IQCN: variants seen among roughly 807,000 people sequenced by gnomAD.
The protein encoded by IQCN is IQ motif containing N.
IQCN carries 46 observed loss-of-function variants against 64.4 expected under a neutral mutation model. The ratio of observed to expected loss-of-function variants is 0.71; its 90% CI spans 0.56 to 0.91. The LOEUF (loss-of-function observed/expected upper bound fraction) is 0.91, where lower values mean the gene tolerates loss of function less well. IQCN is among the 40% of genes least tolerant of loss of function. The pLI is 0.00. For synonymous variants in IQCN, 733 were observed against 775.6 expected (o/e 0.95, Z 0.91); for missense variants, 1,753 against 1,857.4 (o/e 0.94, Z 1.03).
Position 18,264,332 on chromosome 19 carries a change from A to C in IQCN, c.3177+31T>G, listed in dbSNP as rs1009943633. 2.6e-5 allele frequency: 37 copies of C among 1,441,828 alleles called. No homozygotes were observed. Among genetic ancestry groups the C allele is most frequent in the Admixed American group, 2.7e-5 (1 of 36,450 alleles). 89.3% of individuals were successfully genotyped at this position (1,441,828 alleles called of 1,614,324 possible). ...CCGGCAGGTTGGCCCATGGTGAAAC[A>C]ACCCCAGATCCCAACCTGGGAATCC... On this transcript the variant is annotated intron_variant, in intron 3 of 3. Coordinates refer to ENST00000392413, the MANE Select transcript of IQCN (RefSeq NM_001145304.2). The surrounding 1 kb of genome is among the most constrained non-coding windows in gnomAD (Gnocchi z 4.3).
chr19:18,263,177 G>C (rs923906786), intron 3 of IQCN, among the ~76,000 whole-genome samples: 10 of 152,178 alleles, frequency 6.6e-5, no homozygotes, highest in African/African-American at 1.9e-4. Flanking sequence ...TCACCGCAAG[G>C]TCCCCTTCTA....
In IQCN at chr19:18,265,361, C is replaced by A; in HGVS notation, c.2179G>T (p.Val727Leu). 6.2e-7 allele frequency: 1 copy of A among 1,614,134 alleles called. No individual in the cohort carries two copies. Among genetic ancestry groups the A allele is most frequent in the Non-Finnish European group, 8.5e-7 (1 of 1,180,020 alleles). The change falls in exon 3 of 4, where the codon GTG becomes TTG. Residue 727 changes from valine to leucine, a missense_variant. Transcript: ENST00000392413. This position sits in a 1 kb window ranked among gnomAD's most constrained non-coding sequence, Gnocchi z 4.7. ...HSQTHLATGA[V>L]KVQSQAPLAT... ...AGAGGCGCTTGGGACTGGACCTTCA[C>A]GGCACCTGTGGCCAGATGTGTCTGG...
chr19:18,266,922 C>A lies in IQCN; in HGVS notation c.618G>T (p.Gln206His), dbSNP rs1404720118. 1 of 1,608,058 alleles carries A rather than the reference C, an allele frequency of 6.2e-7. No individual in the cohort carries two copies. Among genetic ancestry groups the A allele is most frequent in the Non-Finnish European group, 8.5e-7 (1 of 1,176,026 alleles). ...CTGGGGGCTGCAGGAGGGGGGACGA[C>A]TGGGGTCTGCAGAGGACCAGATTGT... ...SCDNLVLCRP[Q>H]SSPLLQPPAA... Residue 206 changes from glutamine (Q) to histidine (H), a missense_variant, in exon 3 of 4, where the codon CAG (glutamine) becomes CAT (histidine). Coordinates refer to ENST00000392413, the MANE Select transcript of IQCN (RefSeq NM_001145304.2). This position sits in a 1 kb window ranked among gnomAD's most constrained non-coding sequence, Gnocchi z 4.3.
intron 1 of IQCN, among the ~76,000 whole-genome samples, chr19:18,270,436 G>C (rs1416099802): frequency 6.6e-6 from 1 of 151,698 alleles, no homozygotes; most frequent in East Asian, 1.9e-4. Flanking sequence ...AAGGTGGGTG[G>C]GTCACTTGAG....
rs762698811 is a variant in IQCN, at chr19:18,267,006, C to G, written c.534G>C (p.Glu178Asp). Residue 178 changes from glutamate to aspartate, a missense_variant, in exon 3 of 4, where the codon GAG (glutamate) becomes GAC (aspartate). Physicochemically the swap from Glu to Asp is conservative, Grantham distance 45. Coordinates refer to ENST00000392413, the MANE Select transcript of IQCN (RefSeq NM_001145304.2). Reference sequence around the variant, plus strand: ...TGATGGGCGGGGACAGAAGGCGGTTCTCTTCCGGATGCTGGAAGCGCACCT... The same window carrying G: ...TGATGGGCGGGGACAGAAGGCGGTTGTCTTCCGGATGCTGGAAGCGCACCT... ...PQQVRFQHPE[E>D]NRLLSPPIMV... The G allele has an allele frequency of 9.3e-6, 15 of 1,614,252 alleles. No individual in the cohort carries two copies. The highest frequency in any genetic ancestry group is 1.0e-5 in the Non-Finnish European group (12 of 1,180,030).
At chr19:18,272,078 C>T (rs555095211) in intron 1 of IQCN, among the ~76,000 whole-genome samples, 110 of 151,374 alleles carry the variant, frequency 7.3e-4, no homozygotes, top group African/African-American at 2.4e-3. Flanking sequence ...TCGCCTGCCT[C>T]GGCCTCCCAA....
At position 18,265,789 on chromosome 19, in the gene IQCN, G is replaced by A; in HGVS notation, c.1751C>T (p.Ala584Val). ...YLAEGKIRCL[A>V]QPHPGTGVPR... Reference sequence around the variant, plus strand: ...GACCCCAGTTCCCGGATGTGGTTGAGCCAGGCACCTGATCTTCCCCTCAGC... The same window carrying A: ...GACCCCAGTTCCCGGATGTGGTTGAACCAGGCACCTGATCTTCCCCTCAGC... Residue 584 changes from alanine (A) to valine (V), a missense_variant, in exon 3 of 4, where the codon GCT (alanine) becomes GTT (valine). Physicochemically the swap from Ala to Val is moderately conservative, Grantham distance 64. Transcript: ENST00000392413. This position sits in a 1 kb window ranked among gnomAD's most constrained non-coding sequence, Gnocchi z 4.7. 6.2e-7 allele frequency: 1 copy of A among 1,614,180 alleles called. No homozygotes were observed. The highest frequency in any genetic ancestry group is 8.5e-7 in the Non-Finnish European group (1 of 1,180,042).
Position 18,264,789 on chromosome 19 carries a change from C to T in IQCN, c.2751G>A (p.Lys917=). 1 of 1,552,202 alleles carries T rather than the reference C, an allele frequency of 6.4e-7. No individual in the cohort carries two copies. The highest frequency in any genetic ancestry group is 8.7e-7 in the Non-Finnish European group (1 of 1,147,410). Residue 917 remains lysine (K), a synonymous_variant, in exon 3 of 4, where the codon AAG becomes AAA. Transcript: ENST00000392413. This position sits in a 1 kb window ranked among gnomAD's most constrained non-coding sequence, Gnocchi z 4.3. ...TGGTGACAGTGGCACCCAGGACCTC[C>T]TTGGACAGGGCCTGGTTCAGAGCTG... The part of the protein sequence containing the change: ...VWAALNQALS[K]EVLGATVTKA...
chr19:18,259,429 C>T (rs1270079170), intron 3 of IQCN: 2 of 152,292 alleles, frequency 1.3e-5, no homozygotes, highest in African/African-American at 4.8e-5. Flanking sequence ...GAGGGTCTTA[C>T]AGATAGACTT....
At chr19:18,263,460 C>T (rs1969475344) in intron 3 of IQCN, among the ~76,000 whole-genome samples, 1 of 152,192 alleles carries the variant, frequency 6.6e-6, no homozygotes, top group Non-Finnish European at 1.5e-5. Flanking sequence ...TGTTCGATTC[C>T]TCCCCTGTCC....
intron 3 of IQCN, among the ~76,000 whole-genome samples, chr19:18,263,027 T>C (rs1201430692): frequency 2.6e-5 from 4 of 152,088 alleles, no homozygotes; most frequent in East Asian, 3.8e-4. Context: ...CTGAGCTGTG[T>C]TGGAAACTGG....
intron 2 of IQCN, among the ~76,000 whole-genome samples, chr19:18,268,812 A>G (rs1410690150): frequency 6.6e-6 from 1 of 151,832 alleles, no homozygotes; most frequent in Non-Finnish European, 1.5e-5. Context: ...AAATACAAAA[A>G]TTAGCTCGGC....
chr19:18,259,868 AG>A, intron 3 of IQCN: 1 of 152,408 alleles, frequency 6.6e-6, no homozygotes, highest in South Asian at 2.1e-4. Flanking sequence ...GATGTGTCAA[AG>A]GGCCACCTGC....
In IQCN at chr19:18,263,405, T is replaced by C. The variant is rs144087084; in HGVS notation, c.3177+958A>G. Reference sequence around the variant, plus strand: ...CACCGAGGATGGATGGCTGGTGGTCTGTTGCTAGCTTCTGGGGGCAGAGCA... The same window carrying C: ...CACCGAGGATGGATGGCTGGTGGTCCGTTGCTAGCTTCTGGGGGCAGAGCA... On this transcript the variant is annotated intron_variant, in intron 3 of 3. Transcript: ENST00000392413. 3.9e-4 allele frequency among the ~76,000 whole-genome samples: 60 copies of C among 152,344 alleles called. No homozygotes were observed. In the East Asian group the frequency reaches 9.8e-3, roughly 25 times the overall value.
chr19:18,271,171 CAAA>C (rs1278569737), intron 1 of IQCN, among the ~76,000 whole-genome samples: 1 of 82,438 alleles, frequency 1.2e-5, no homozygotes. Context: ...GACTCTGTCT[CAAA>C]AAAAAAAAAA....
intron 3 of IQCN, chr19:18,259,245 C>G (rs1388592812): frequency 3.8e-3 from 4 of 1,058 alleles, no homozygotes; most frequent in African/African-American, 0.025. Context: ...AAAGACCTCT[C>G]CCCAGCCAGG....
chr19:18,272,503 G>C (rs1969754283), intron 1 of IQCN, among the ~76,000 whole-genome samples: 2 of 152,168 alleles, frequency 1.3e-5, no homozygotes, highest in Non-Finnish European at 2.9e-5. Context: ...CAAAGTCACA[G>C]GACCACGTTC....
At chr19:18,268,522 T>C (rs554662125) in intron 2 of IQCN, among the ~76,000 whole-genome samples, 71 of 152,120 alleles carry the variant, frequency 4.7e-4, no homozygotes, top group Middle Eastern at 3.4e-3. Flanking sequence ...ATAAAGCTGA[T>C]GAATAAAGTG....
chr19:18,259,986 G>A (rs1969390623), intron 3 of IQCN: 1 of 152,446 alleles, frequency 6.6e-6, no homozygotes, highest in African/African-American at 2.4e-5. Context: ...AGCTAGGCCA[G>A]GAGATGTGGT....
Sources: gnomAD v4.1 joint callset for allele counts (sites outside exome capture counted in the v4.1 genomes callset) on GRCh38, gnomAD v4.1.1 for gene constraint, Gnocchi (gnomAD v3.1) non-coding constraint, MANE v1.5 for transcripts, NCBI Gene and HGNC (gene_info 2026-07-23, HGNC 2026-07-21) for gene names.